The following PNPLA7 variants were observed in gnomAD, a reference collection of about 807,000 sequenced individuals.
PNPLA7 encodes patatin like domain 7, lysophospholipase.
PNPLA7 carries 153 observed loss-of-function variants against 161.7 expected under a neutral mutation model. The ratio of observed to expected loss-of-function variants is 0.95; its 90% CI spans 0.83 to 1.08. The LOEUF (loss-of-function observed/expected upper bound fraction) is 1.08, where lower values mean the gene tolerates loss of function less well. Ranked by LOEUF, PNPLA7 falls within the 50% of genes least tolerant of loss-of-function variation. The pLI, the probability that PNPLA7 is intolerant of heterozygous loss-of-function variation, is 0.00. For missense variants in PNPLA7, 1,739 were observed against 1,856.6 expected, an observed-to-expected ratio of 0.94 and a Z score of 1.16; for synonymous variants, 809 against 782.1, an observed-to-expected ratio of 1.03 and a Z score of -0.57.
Position 137,464,461 on chromosome 9 carries a change from G to A in PNPLA7, c.3040-5C>T, listed in dbSNP as rs1451461001. On this transcript the variant is annotated splice_region_variant and splice_polypyrimidine_tract_variant and intron_variant, in intron 26 of 34. Coordinates refer to ENST00000406427, the MANE Select transcript of PNPLA7 (RefSeq NM_001098537.3). Reference sequence around the variant, plus strand: ...CTTCATCAAGGACGTCATGCCCTGGGGCCACATGTGGAATTTACAGAAGGC... The same window carrying A: ...CTTCATCAAGGACGTCATGCCCTGGAGCCACATGTGGAATTTACAGAAGGC... 6.2e-7 allele frequency: 1 copy of A among 1,612,330 alleles called. No individual in the cohort carries two copies. The highest frequency in any genetic ancestry group is 8.5e-7 in the Non-Finnish European group (1 of 1,178,694).
rs72765168 is a variant in PNPLA7, at chr9:137,543,200, G to A, written c.506+232C>T. Among the ~76,000 whole-genome samples, 1,444 of 152,292 alleles carry A rather than the reference G, an allele frequency of 9.5e-3. 8 individuals are homozygous for A. Among genetic ancestry groups the A allele is most frequent in the Non-Finnish European group, 0.015 (1,026 of 68,024 alleles). On this transcript the variant is annotated intron_variant, in intron 6 of 34. Coordinates refer to ENST00000406427, the MANE Select transcript of PNPLA7 (RefSeq NM_001098537.3). The surrounding 1 kb of genome is among the most constrained non-coding windows in gnomAD (Gnocchi z 6.9). ...CACACCCTTCTTGCTCTTGCCCTGG[G>A]TTCACCGCTGAAGATGAAACACCGG... is the stretch of plus-strand genomic sequence containing the variant.
chr9:137,485,443 G>C (rs938782063), intron 20 of PNPLA7, among the ~76,000 whole-genome samples: 1 of 151,742 alleles, frequency 6.6e-6, no homozygotes, highest in Non-Finnish European at 1.5e-5. Context: ...GACAAACGCT[G>C]CAGGTGAGGC....
rs142555535 is a variant in PNPLA7 at position 137,495,723 on chromosome 9, G to A, written c.2014-577C>T. 3.9e-3 allele frequency among the ~76,000 whole-genome samples: 591 copies of A among 152,266 alleles called. 5 individuals are homozygous for A. Among genetic ancestry groups the A allele is most frequent in the African/African-American group, 0.014 (569 of 41,566 alleles). Reference sequence around the variant, plus strand: ...CTCCCAAAGTGCTGGGATTACAGGCGTGAGCCGCCGCGCCCGGCCTGGAGA... The same window carrying A: ...CTCCCAAAGTGCTGGGATTACAGGCATGAGCCGCCGCGCCCGGCCTGGAGA... On this transcript the variant is annotated intron_variant, in intron 18 of 34. Transcript: ENST00000406427.
Position 137,547,582 on chromosome 9 carries a change from T to C in PNPLA7, c.105+3A>G, listed in dbSNP as rs765829099. The C allele has an allele frequency of 5.0e-6, 8 of 1,613,176 alleles. No homozygotes were observed. The highest frequency in any genetic ancestry group is 1.3e-5 in the African/African-American group (1 of 75,016). On this transcript the variant is annotated splice_donor_region_variant and intron_variant, in intron 2 of 34. Transcript: ENST00000406427. The surrounding 1 kb of genome is among the most constrained non-coding windows in gnomAD (Gnocchi z 4.6). ...TGGCTCCAGGGAAGCGTGAGGTGATTACCATGGTGGACGGTGAACCTTCCT... is the reference window on the plus strand; with the variant it reads ...TGGCTCCAGGGAAGCGTGAGGTGATCACCATGGTGGACGGTGAACCTTCCT...
At chr9:137,521,462 T>C (rs1359988601) in intron 10 of PNPLA7, among the ~76,000 whole-genome samples, 174 bp downstream of exon 10, 1 of 152,158 alleles carries the variant, frequency 6.6e-6, no homozygotes, top group Non-Finnish European at 1.5e-5. Context: ...GGTAGGAGAA[T>C]AAACACAGCA....
chr9:137,505,869 C>T, intron 13 of PNPLA7, 109 bp from the exon 14 acceptor site: 2 of 1,533,864 alleles, frequency 1.3e-6, no homozygotes, highest in Non-Finnish European at 1.8e-6. Context: ...GGCTGAGCCT[C>T]CTGAAGCTGC....
chr9:137,513,876 A>G (rs1490484861), intron 12 of PNPLA7, among the ~76,000 whole-genome samples: 1 of 152,284 alleles, frequency 6.6e-6, no homozygotes, highest in Non-Finnish European at 1.5e-5. Flanking sequence ...ATACGACCAG[A>G]CAATCTGAGA....
chr9:137,507,223 C>T (rs959939665), intron 12 of PNPLA7, among the ~76,000 whole-genome samples: 4 of 152,340 alleles, frequency 2.6e-5, no homozygotes, highest in East Asian at 1.9e-4. Context: ...TAAAAAAATC[C>T]GAACTGGAAA....
chr9:137,503,832 G>C (rs1489845399), intron 14 of PNPLA7, among the ~76,000 whole-genome samples: 5 of 15,306 alleles, frequency 3.3e-4, no homozygotes, highest in African/African-American at 1.8e-3. Flanking sequence ...GAAGAAGAAA[G>C]AAGCAAGAAG....
chr9:137,505,571 C>T (rs1282194928), intron 14 of PNPLA7, 43 bp downstream of exon 14: 1 of 1,608,078 alleles, frequency 6.2e-7, no homozygotes, highest in African/African-American at 1.3e-5. Flanking sequence ...AGGCCACGGG[C>T]CCTGGGTGGG....
intron 4 of PNPLA7, among the ~76,000 whole-genome samples, chr9:137,545,605 T>G (rs989962098): frequency 6.6e-6 from 1 of 152,356 alleles, no homozygotes; most frequent in African/African-American, 2.4e-5. Flanking sequence ...CATATAGATC[T>G]TAGATATGAT....
rs984151398 is a variant in PNPLA7, at chr9:137,486,382, C to T, written c.2198-1646G>A. ...ATGGCTCGGAGAACCAGCGCACAGC[C>T]GGCAATCATGTGCTCACAGGAAAAT... On this transcript the variant is annotated intron_variant, in intron 20 of 34. Coordinates refer to ENST00000406427, the MANE Select transcript of PNPLA7 (RefSeq NM_001098537.3). This position sits in a 1 kb window ranked among gnomAD's most constrained non-coding sequence, Gnocchi z 6.0. Among the ~76,000 whole-genome samples, 5 of 152,082 alleles carry T rather than the reference C, an allele frequency of 3.3e-5. No homozygotes were observed. Among genetic ancestry groups the T allele is most frequent in the Admixed American group, 6.5e-5 (1 of 15,282 alleles).
chr9:137,462,464 CCCGG>C lies in PNPLA7; in HGVS notation c.3493-137_3493-134del, dbSNP rs1831262106. The C allele has an allele frequency of 1.1e-5, 16 of 1,444,986 alleles. No homozygotes were observed. In the South Asian group the frequency reaches 1.5e-4, roughly 14 times the overall value. 89.5% of individuals were successfully genotyped at this position (1,444,986 alleles called of 1,614,324 possible). ...GTTCTGGGGGGAGAGGGTAGCAGCA[CCCGG>C]CCGGGGGTCCTCCCTGCGGGCTGCC... is the stretch of plus-strand genomic sequence containing the variant. On this transcript the variant is annotated intron_variant, in intron 30 of 34. Coordinates refer to ENST00000406427, the MANE Select transcript of PNPLA7 (RefSeq NM_001098537.3).
intron 20 of PNPLA7, 151 bp from the exon 21 acceptor site, chr9:137,484,887 G>A: frequency 1.0e-6 from 1 of 979,412 alleles, no homozygotes; most frequent in Non-Finnish European, 1.5e-6. Flanking sequence ...GAGGCTGCCT[G>A]GCCCTCCCGC....
rs1831252422 is a variant in PNPLA7, at chr9:137,462,326, C to T, written c.3498G>A (p.Leu1166=). Residue 1166 remains leucine, a synonymous_variant, in exon 31 of 35, where the codon TTG becomes TTA. Coordinates refer to ENST00000406427, the MANE Select transcript of PNPLA7 (RefSeq NM_001098537.3). Reference sequence around the variant, plus strand: ...GGCGCGTCTGAATCTCTGCCATGTTCAACACCTGCTGCCGTCACAGCCGCC... The same window carrying T: ...GGCGCGTCTGAATCTCTGCCATGTTTAACACCTGCTGCCGTCACAGCCGCC... ...WNPLATKVKV[L]NMAEIQTRLA... The T allele has an allele frequency of 6.3e-7, 1 of 1,599,724 alleles. No homozygotes were observed. The highest frequency in any genetic ancestry group is 8.5e-7 in the Non-Finnish European group (1 of 1,172,496).
chr9:137,463,620 T>C, intron 28 of PNPLA7, 89 bp from the exon 29 acceptor site: 1 of 971,166 alleles, frequency 1.0e-6, no homozygotes, highest in Non-Finnish European at 1.5e-6. Context: ...GTCCTGGAGC[T>C]GGTAGGTCCC....
At position 137,543,444 on chromosome 9, in the gene PNPLA7, A is replaced by G. The variant is rs1017439726; in HGVS notation, c.494T>C (p.Leu165Pro). 1.2e-6 allele frequency: 2 copies of G among 1,614,082 alleles called. No homozygotes were observed. Among genetic ancestry groups the G allele is most frequent in the East Asian group, 2.2e-5 (1 of 44,878 alleles). Residue 165 changes from leucine to proline, a missense_variant, in exon 6 of 35, where the codon CTG (leucine) becomes CCG (proline). By Grantham distance (98) the Leu-to-Pro change is moderately conservative. This residue lies in a region of PNPLA7 where 209 missense variants were observed against 252.8 expected (regional missense o/e 0.83). Transcript: ENST00000406427. The surrounding 1 kb of genome is among the most constrained non-coding windows in gnomAD (Gnocchi z 6.9). The part of the protein sequence containing the change: ...SHLPSEVLYM[L>P]KNVRVLGHFE... ...TCCCCGCTCTTACCGAACGTTTTTC[A>G]GCATGTACAGAACTTCCGATGGCAG...
chr9:137,538,481 G>A (rs1836011857), intron 8 of PNPLA7, among the ~76,000 whole-genome samples: 1 of 152,252 alleles, frequency 6.6e-6, no homozygotes, highest in African/African-American at 2.4e-5. Flanking sequence ...TTTCATGCAA[G>A]GACCTAGCGC....
intron 12 of PNPLA7, among the ~76,000 whole-genome samples, chr9:137,507,379 G>C (rs1023606390): frequency 6.6e-6 from 1 of 152,236 alleles, no homozygotes; most frequent in Non-Finnish European, 1.5e-5. Flanking sequence ...ACGTCAACAA[G>C]CATGTAGCTA....
Sources: gnomAD v4.1 joint callset for allele counts (sites outside exome capture counted in the v4.1 genomes callset) on GRCh38, gnomAD v4.1.1 for gene constraint, gnomAD v4.1.1 regional missense constraint, Gnocchi (gnomAD v3.1) non-coding constraint, MANE v1.5 for transcripts, NCBI Gene and HGNC (gene_info 2026-07-23, HGNC 2026-07-21) for gene names.